USP42: variants seen among roughly 807,000 people sequenced by gnomAD.
USP42 encodes ubiquitin carboxyl-terminal hydrolase 42.
USP42 carries 23 observed loss-of-function variants against 113.0 expected under a neutral mutation model. The observed-to-expected ratio is 0.20, with a 90% CI of 0.15 to 0.29. USP42 has a LOEUF of 0.29. Among genes scored for constraint, USP42 ranks in the 10% least tolerant of loss-of-function variants. The pLI, the probability that USP42 is intolerant of heterozygous loss-of-function variation, is 1.00. For synonymous variants in USP42, 933 were observed against 699.0 expected (o/e 1.33, Z -5.28); for missense variants, 2,174 against 1,779.8 (o/e 1.22, Z -3.99).
At chr7:6,091,890 G>A in the USP42 span, among the ~76,000 whole-genome samples, 40 of 150,508 alleles carry the variant, frequency 2.7e-4, no homozygotes, top group African/African-American at 9.2e-4. Context: ...CTCTCAATCG[G>A]CATTTCTTCC....
At chr7:6,131,705 G>C (rs1339377695) in intron 3 of USP42, among the ~76,000 whole-genome samples, 1 of 152,102 alleles carries the variant, frequency 6.6e-6, no homozygotes, top group East Asian at 1.9e-4. Context: ...GAAGCACAAA[G>C]AAACCCCAGG....
At chr7:6,147,265 T>A (rs889128693) in intron 11 of USP42, among the ~76,000 whole-genome samples, 5 of 152,044 alleles carry the variant, frequency 3.3e-5, no homozygotes, top group Admixed American at 6.6e-5. Context: ...TAGAAAAATA[T>A]AAGCCTGGGC....
At chr7:6,092,312 G>A in the USP42 span, among the ~76,000 whole-genome samples, 2 of 148,854 alleles carry the variant, frequency 1.3e-5, no homozygotes, top group African/African-American at 2.6e-5. Flanking sequence ...CTGAGTAGCT[G>A]GGATTATAGG....
rs369114720 is a variant in USP42, at chr7:6,154,182, C to G, written c.2628C>G (p.Ser876Arg). 1.3e-6 allele frequency: 2 copies of G among 1,599,784 alleles called. No homozygotes were observed. Among genetic ancestry groups the G allele is most frequent in the Admixed American group, 3.4e-5 (2 of 59,490 alleles). ...AGCAGCCACTCCTTGTTCACCCCAG[C>G]GGGGACCACGCCCGGGACGCTCAGG... ...PCEQPLLVHP[S>R]GDHARDAQDP... The change falls in exon 15 of 18, where the codon AGC becomes AGG. Residue 876 changes from serine to arginine, a missense_variant. Ser to Arg is a moderately radical substitution (Grantham distance 110, BLOSUM62 -1). Transcript: ENST00000306177.
chr7:6,118,061 T>A (rs980619833), intron 3 of USP42, among the ~76,000 whole-genome samples: 1 of 152,170 alleles, frequency 6.6e-6, no homozygotes, highest in African/African-American at 2.4e-5. Flanking sequence ...GGAAATTTCA[T>A]TTCTTTTTTT....
the USP42 span, among the ~76,000 whole-genome samples, chr7:6,092,085 T>TTCC: frequency 3.5e-3 from 481 of 136,958 alleles, 67 homozygotes; most frequent in Non-Finnish European, 5.1e-3. Flanking sequence ...CCTCTTCCTC[T>TTCC]TCTTCTTCTT....
intron 3 of USP42, among the ~76,000 whole-genome samples, chr7:6,123,613 A>G (rs2128488628): frequency 6.6e-6 from 1 of 152,208 alleles, no homozygotes; most frequent in Non-Finnish European, 1.5e-5. Flanking sequence ...CAGTGAGCCG[A>G]GATCGCGCCA....
chr7:6,118,443 G>C (rs1780032539), intron 3 of USP42, among the ~76,000 whole-genome samples: 1 of 152,028 alleles, frequency 6.6e-6, no homozygotes, highest in Non-Finnish European at 1.5e-5. Flanking sequence ...GATCACATGA[G>C]CCCAGGAGGT....
rs944291504 is a variant in USP42 at position 6,155,049 on chromosome 7, C to T, written c.3495C>T (p.Asp1165=). The change falls in exon 15 of 18, where the codon GAC becomes GAT. Residue 1165 remains aspartate (D), a synonymous_variant. Transcript: ENST00000306177. Reference sequence around the variant, plus strand: ...GAAAGTCCCGGAAACGGAGACACGACAGTGTGGAGAACAGTGACAGTCATG... The same window carrying T: ...GAAAGTCCCGGAAACGGAGACACGATAGTGTGGAGAACAGTGACAGTCATG... ...ENGKSRKRRH[D]SVENSDSHVE... The T allele has an allele frequency of 1.3e-6, 2 of 1,563,406 alleles. No homozygotes were observed. Among genetic ancestry groups the T allele is most frequent in the Admixed American group, 1.9e-5 (1 of 52,170 alleles).
Position 6,146,156 on chromosome 7 carries a change from T to C in USP42, c.1140T>C (p.Asn380=). The change falls in exon 11 of 18, where the codon AAT becomes AAC. Residue 380 remains asparagine (N), a synonymous_variant. Coordinates refer to ENST00000306177, the MANE Select transcript of USP42 (RefSeq NM_032172.3). ...TTGGCTCTCATTTATAGGCTAGCAATGGCCTCTGGTATCAAATGAATGACT... is the reference window on the plus strand; with the variant it reads ...TTGGCTCTCATTTATAGGCTAGCAACGGCCTCTGGTATCAAATGAATGACT... ...GHYFCYIKAS[N]GLWYQMNDSI... 1 of 1,590,072 alleles carries C rather than the reference T, an allele frequency of 6.3e-7. No individual in the cohort carries two copies. Among genetic ancestry groups the C allele is most frequent in the Non-Finnish European group, 8.6e-7 (1 of 1,167,680 alleles).
At chr7:6,146,019 G>T (rs545690261) in intron 10 of USP42, 129 bp from the exon 11 acceptor site, 2 of 745,808 alleles carry the variant, frequency 2.7e-6, no homozygotes, top group Admixed American at 5.8e-5. Context: ...GCAAGATCAC[G>T]CCACTGCACT....
Position 6,139,117 on chromosome 7 carries a change from A to G in USP42, c.579A>G (p.Gly193=). 6.2e-7 allele frequency: 1 copy of G among 1,609,706 alleles called. No individual in the cohort carries two copies. Residue 193 remains glycine, a synonymous_variant, in exon 5 of 18, where the codon GGA becomes GGG. Coordinates refer to ENST00000306177, the MANE Select transcript of USP42 (RefSeq NM_032172.3). The surrounding 1 kb of genome is among the most constrained non-coding windows in gnomAD (Gnocchi z 4.5). ...GTATAGCTAGGCACTTCCGTTTTGGAAACCAAGAAGATGCCCATGAATTCC... is the reference window on the plus strand; with the variant it reads ...GTATAGCTAGGCACTTCCGTTTTGGGAACCAAGAAGATGCCCATGAATTCC... ...MRRIARHFRF[G]NQEDAHEFLQ...
intron 1 of USP42, among the ~76,000 whole-genome samples, chr7:6,106,385 A>G (rs766417741): frequency 7.2e-5 from 11 of 152,244 alleles, no homozygotes; most frequent in Middle Eastern, 3.2e-3. Context: ...AGAGTGCCAC[A>G]GTGTCTAAAT....
In USP42 at chr7:6,154,915, G is replaced by T. The variant is rs755392092; in HGVS notation, c.3361G>T (p.Ala1121Ser). 7 of 1,548,276 alleles carry T rather than the reference G, an allele frequency of 4.5e-6. No individual in the cohort carries two copies. Residue 1121 changes from alanine (A) to serine (S), a missense_variant, in exon 15 of 18, where the codon GCG becomes TCG. Physicochemically the swap from Ala to Ser is moderately conservative, Grantham distance 99. Transcript: ENST00000306177. The stretch of plus-strand genomic sequence containing the variant: ...CCGCCCCAGCAGCCCCCGCGCAGGC[G>T]CGCCCCACGCCCTCGCCCCGCACCC... ...RHRPSSPRAG[A>S]PHALAPHPDR... is the part of the protein sequence containing the mutation.
the USP42 span, among the ~76,000 whole-genome samples, chr7:6,096,279 C>G: frequency 6.6e-6 from 1 of 151,260 alleles, no homozygotes; most frequent in Non-Finnish European, 1.5e-5. Context: ...TCGAGACCAG[C>G]TTATTACTTG....
the USP42 span, among the ~76,000 whole-genome samples, chr7:6,083,223 CTTA>C: frequency 1.5e-5 from 2 of 130,792 alleles, no homozygotes; most frequent in Admixed American, 1.6e-4. Flanking sequence ...CCGCACCCAG[CTTA>C]TTTATTTATT....
At chr7:6,128,956 G>A (rs1416846733) in intron 3 of USP42, among the ~76,000 whole-genome samples, 1 of 152,062 alleles carries the variant, frequency 6.6e-6, no homozygotes, top group Non-Finnish European at 1.5e-5. Context: ...AAGTGGCTTG[G>A]ACTACAGCTG....
intron 11 of USP42, among the ~76,000 whole-genome samples, chr7:6,147,304 A>T (rs1016351116): frequency 6.6e-6 from 1 of 152,168 alleles, no homozygotes; most frequent in Non-Finnish European, 1.5e-5. Context: ...TTCTACAGAA[A>T]ATAAAAAAAT....
chr7:6,128,840 G>A lies in USP42; in HGVS notation c.443-7001G>A, dbSNP rs1048649123. Among the ~76,000 whole-genome samples the A allele has an allele frequency of 3.5e-5, 4 of 115,296 alleles. No individual in the cohort carries two copies. In the South Asian group the frequency reaches 1.0e-3, roughly 29 times the overall value. The allele number at this position is 115,296 out of a possible 152,430, so 75.6% of individuals were successfully genotyped here. The stretch of plus-strand genomic sequence containing the variant: ...TTTCTTTCTTTTTTGGGGGTGGGTC[G>A]TGGACAGGGTCTCTCTGTCACCTAG... On this transcript the variant is annotated intron_variant, in intron 3 of 17. Coordinates refer to ENST00000306177, the MANE Select transcript of USP42 (RefSeq NM_032172.3).
Sources: gnomAD v4.1 joint callset for allele counts (sites outside exome capture counted in the v4.1 genomes callset) on GRCh38, gnomAD v4.1.1 for gene constraint, Gnocchi (gnomAD v3.1) non-coding constraint, MANE v1.5 for transcripts, NCBI Gene and HGNC (gene_info 2026-07-23, HGNC 2026-07-21) for gene names.